The following SPATA6 variants were observed in gnomAD, a reference collection of about 807,000 sequenced individuals.
The protein encoded by SPATA6 is spermatogenesis-associated protein 6.
Under a neutral mutation model 65.3 loss-of-function variants are expected in SPATA6, and 56 were observed. The ratio of observed to expected loss-of-function variants is 0.86; its 90% confidence interval spans 0.69 to 1.07. The LOEUF (loss-of-function observed/expected upper bound fraction) is 1.07, where lower values mean the gene tolerates loss of function less well. SPATA6 is among the 50% of genes least tolerant of loss of function. The pLI, the probability that SPATA6 is intolerant of heterozygous loss-of-function variation, is 0.00. For synonymous variants in SPATA6, 199 were observed against 213.2 expected (o/e 0.93, Z 0.58); for missense variants, 590 against 594.8 (o/e 0.99, Z 0.08).
At chr1:48,416,627 C>T (rs982581216) in intron 3 of SPATA6, among the ~76,000 whole-genome samples, 5 of 152,096 alleles carry the variant, frequency 3.3e-5, no homozygotes, top group African/African-American at 4.8e-5. Flanking sequence ...TGTGCATACT[C>T]CTAGGAAACA....
rs1478668438 is a variant in SPATA6 at position 48,306,613 on chromosome 1, G to T, written c.1195-735C>A. Reference sequence around the variant, plus strand: ...ATCCTTGTGTTCCTTAGTCAAACAAGAAGAGAAATAAACAGAACTGATAAC... The same window carrying T: ...ATCCTTGTGTTCCTTAGTCAAACAATAAGAGAAATAAACAGAACTGATAAC... On this transcript the variant is annotated intron_variant, in intron 11 of 12. Transcript: ENST00000371847. Among the ~76,000 whole-genome samples the T allele has an allele frequency of 3.3e-5, 5 of 151,974 alleles. No homozygotes were observed. The East Asian group carries it at 9.6e-4, about 29-fold the overall frequency.
intron 8 of SPATA6, among the ~76,000 whole-genome samples, chr1:48,391,092 C>T (rs1266111323): frequency 2.0e-5 from 3 of 151,422 alleles, no homozygotes; most frequent in African/African-American, 4.9e-5. Flanking sequence ...CATCCGGACA[C>T]GGTGCCTGAT....
intron 1 of SPATA6, among the ~76,000 whole-genome samples, chr1:48,466,818 G>T (rs1399812818): frequency 1.3e-5 from 2 of 152,036 alleles, no homozygotes; most frequent in African/African-American, 4.8e-5. Context: ...AGTAGTGACT[G>T]AAAGAAGCCA....
the SPATA6 span, among the ~76,000 whole-genome samples, chr1:48,286,680 T>C: frequency 6.6e-6 from 1 of 152,170 alleles, no homozygotes; most frequent in South Asian, 2.1e-4. Context: ...AATATAGTTT[T>C]GTATTAGTCA....
chr1:48,331,787 T>C (rs1204062822), intron 11 of SPATA6, among the ~76,000 whole-genome samples: 1 of 152,086 alleles, frequency 6.6e-6, no homozygotes, highest in Non-Finnish European at 1.5e-5. Flanking sequence ...ACTCCAAGGT[T>C]GAAATGAAAG....
At chr1:48,386,495 A>G (rs1168932023) in intron 8 of SPATA6, among the ~76,000 whole-genome samples, 1 of 152,216 alleles carries the variant, frequency 6.6e-6, no homozygotes, top group Non-Finnish European at 1.5e-5. Context: ...ATAATCATAC[A>G]TTGAATAGAT....
intron 3 of SPATA6, among the ~76,000 whole-genome samples, chr1:48,428,683 G>A (rs1036643786): frequency 1.3e-5 from 2 of 151,688 alleles, no homozygotes; most frequent in African/African-American, 4.8e-5. Flanking sequence ...GTGGGGGTTG[G>A]TCTTGCTGTC....
chr1:48,416,671 A>G (rs1652816081), intron 3 of SPATA6, among the ~76,000 whole-genome samples: 3 of 152,198 alleles, frequency 2.0e-5, no homozygotes, highest in Non-Finnish European at 4.4e-5. Context: ...CTTATTTATG[A>G]GCCCTGCAAA....
chr1:48,288,163 G>C, the SPATA6 span, among the ~76,000 whole-genome samples: 1 of 152,156 alleles, frequency 6.6e-6, no homozygotes, highest in African/African-American at 2.4e-5. Context: ...CTTGGTTGTG[G>C]TGTATGATCC....
At chr1:48,279,537 C>G in the SPATA6 span, among the ~76,000 whole-genome samples, 1 of 152,220 alleles carries the variant, frequency 6.6e-6, no homozygotes, top group Middle Eastern at 3.4e-3. Context: ...CAATCCTAGT[C>G]TCTGATAAAA....
chr1:48,284,939 T>C, the SPATA6 span, among the ~76,000 whole-genome samples: 2 of 152,170 alleles, frequency 1.3e-5, no homozygotes, highest in Admixed American at 1.3e-4. Context: ...GTCTGACCCT[T>C]AGCAGAGCTC....
intron 4 of SPATA6, 33 bp downstream of exon 4, chr1:48,413,072 ATATCT>A (rs371115386): frequency 9.0e-6 from 6 of 670,034 alleles, no homozygotes; most frequent in Non-Finnish European, 2.1e-6. Flanking sequence ...TCAATTTATG[ATATCT>A]TATATTGTAT....
chr1:48,305,104 A>G (rs1230319660), intron 12 of SPATA6, among the ~76,000 whole-genome samples: 2 of 152,190 alleles, frequency 1.3e-5, no homozygotes, highest in Non-Finnish European at 2.9e-5. Context: ...ACATGTTCAT[A>G]GATGGTCTAG....
rs374409006 is a variant in SPATA6, at chr1:48,416,876, G to A, written c.239-3725C>T. Among the ~76,000 whole-genome samples, 10 of 152,198 alleles carry A rather than the reference G, an allele frequency of 6.6e-5. No homozygotes were observed. In the East Asian group the frequency reaches 1.7e-3, roughly 26 times the overall value. On this transcript the variant is annotated intron_variant, in intron 3 of 12. Transcript: ENST00000371847. ...AACAGAATAAAAGAGAAAAAAAGGT[G>A]TTTCATAAAATTTAACCACTATTTA...
At chr1:48,471,899 G>T in intron 1 of SPATA6, 59 bp downstream of exon 1, 1 of 1,590,714 alleles carries the variant, frequency 6.3e-7, no homozygotes, top group African/African-American at 1.3e-5. Context: ...GGCTCTCGGA[G>T]GTGACTGAGG....
In SPATA6 at chr1:48,376,902, T is replaced by C. The variant is rs377203015; in HGVS notation, c.909+8407A>G. Among the ~76,000 whole-genome samples the C allele has an allele frequency of 1.5e-4, 23 of 152,232 alleles. 1 individual carries two copies. The highest frequency in any genetic ancestry group is 5.1e-4 in the African/African-American group (21 of 41,562). On this transcript the variant is annotated intron_variant, in intron 9 of 12. Coordinates refer to ENST00000371847, the MANE Select transcript of SPATA6 (RefSeq NM_019073.4). ...AGGATTTGTATATCAGACCTAAACATAGAAAAAGTACAACAAAAATAGACA... is the reference window on the plus strand; with the variant it reads ...AGGATTTGTATATCAGACCTAAACACAGAAAAAGTACAACAAAAATAGACA...
chr1:48,395,640 T>C (rs1251324760), intron 7 of SPATA6, among the ~76,000 whole-genome samples: 1 of 151,960 alleles, frequency 6.6e-6, no homozygotes, highest in Non-Finnish European at 1.5e-5. Context: ...AGTGCCTAGT[T>C]TGCTTTCCAT....
At chr1:48,276,411 T>C in the SPATA6 span, among the ~76,000 whole-genome samples, 5 of 152,212 alleles carry the variant, frequency 3.3e-5, no homozygotes, top group South Asian at 1.0e-3. Context: ...CTCTAGTTCT[T>C]TTAATTATGA....
intron 8 of SPATA6, among the ~76,000 whole-genome samples, chr1:48,390,331 T>C (rs1649918849): frequency 6.6e-6 from 1 of 152,122 alleles, no homozygotes; most frequent in Admixed American, 6.6e-5. Flanking sequence ...CAAAGACAAA[T>C]ATTGCATGTT....
Sources: allele counts gnomAD v4.1 joint callset (sites outside exome capture counted in the v4.1 genomes callset), GRCh38; gene constraint gnomAD v4.1.1; transcripts MANE v1.5; gene names NCBI Gene and HGNC (gene_info 2026-07-23, HGNC 2026-07-21).